Variants in SUGCT observed in about 807,000 individuals in gnomAD.
SUGCT encodes succinyl-CoA:glutarate-CoA transferase.
A neutral mutation model predicts 55.0 loss-of-function variants in SUGCT; 41 were observed. The ratio of observed to expected loss-of-function variants is 0.74; its 90% CI spans 0.58 to 0.97. The LOEUF (loss-of-function observed/expected upper bound fraction) is 0.97. Among genes scored for constraint, SUGCT ranks in the 50% least tolerant of loss-of-function variants. SUGCT has a pLI of 0.00. For missense variants in SUGCT, 568 were observed against 547.8 expected (o/e 1.04, Z -0.37); for synonymous variants, 187 against 200.4 (o/e 0.93, Z 0.56).
intron 7 of SUGCT, among the ~76,000 whole-genome samples, chr7:40,245,895 G>A (rs960591386): frequency 2.6e-5 from 4 of 151,940 alleles, no homozygotes; most frequent in African/African-American, 9.7e-5. Flanking sequence ...CCAGGCTGGA[G>A]TGCAGTGGTG....
At chr7:41,000,170 G>A in the SUGCT span, among the ~76,000 whole-genome samples, 1 of 152,096 alleles carries the variant, frequency 6.6e-6, no homozygotes, top group African/African-American at 2.4e-5. Flanking sequence ...CATTATGTTT[G>A]TGTGTGTGCA....
At chr7:40,814,395 A>T (rs1584479052) in intron 13 of SUGCT, among the ~76,000 whole-genome samples, 2 of 152,032 alleles carry the variant, frequency 1.3e-5, no homozygotes, top group East Asian at 1.9e-4. Flanking sequence ...TTCATTTTTT[A>T]AAATTATTTT....
the SUGCT span, among the ~76,000 whole-genome samples, chr7:40,989,893 A>G: frequency 6.6e-6 from 1 of 152,168 alleles, no homozygotes; most frequent in African/African-American, 2.4e-5. Flanking sequence ...TGCTATTTCT[A>G]CCACATCCGT....
the SUGCT span, among the ~76,000 whole-genome samples, chr7:40,876,934 G>A: frequency 8.5e-5 from 13 of 152,084 alleles, no homozygotes; most frequent in African/African-American, 2.7e-4. Context: ...TAATTTCCCC[G>A]AGATCTTTTT....
intron 13 of SUGCT, among the ~76,000 whole-genome samples, chr7:40,764,843 C>G (rs1379741861): frequency 6.6e-6 from 1 of 152,150 alleles, no homozygotes; most frequent in Non-Finnish European, 1.5e-5. Context: ...AAGATCACAG[C>G]TGGGACTCAC....
At chr7:40,300,883 A>C (rs1239481975) in intron 8 of SUGCT, among the ~76,000 whole-genome samples, 1 of 152,220 alleles carries the variant, frequency 6.6e-6, no homozygotes, top group East Asian at 1.9e-4. Context: ...TTGTGTGTGC[A>C]GTGGGATATT....
chr7:40,812,217 T>C (rs1271964185), intron 13 of SUGCT, among the ~76,000 whole-genome samples: 2 of 152,050 alleles, frequency 1.3e-5, no homozygotes, highest in African/African-American at 4.8e-5. Flanking sequence ...CTTTGCCAGG[T>C]TTTGGTATCA....
intron 12 of SUGCT, among the ~76,000 whole-genome samples, chr7:40,729,840 T>C (rs2128694201): frequency 6.6e-6 from 1 of 152,294 alleles, no homozygotes; most frequent in Admixed American, 6.5e-5. Context: ...TCAGCTCATG[T>C]AGGTTGTATC....
intron 11 of SUGCT, among the ~76,000 whole-genome samples, chr7:40,481,188 A>G (rs1200239362): frequency 6.6e-6 from 1 of 152,020 alleles, no homozygotes; most frequent in Non-Finnish European, 1.5e-5. Context: ...AAATATAAAA[A>G]TTAACTAGGC....
chr7:40,299,145 AT>A (rs1399055505), intron 8 of SUGCT, among the ~76,000 whole-genome samples: 1 of 152,124 alleles, frequency 6.6e-6, no homozygotes, highest in African/African-American at 2.4e-5. Flanking sequence ...TGTGTTTTGA[AT>A]GTGTGTTTTG....
intron 11 of SUGCT, among the ~76,000 whole-genome samples, chr7:40,476,965 C>T (rs564726796): frequency 6.6e-6 from 1 of 152,228 alleles, no homozygotes; most frequent in Admixed American, 6.5e-5. Context: ...AGGTGTGAGC[C>T]ACTGCGCCCA....
At chr7:40,897,604 G>C in the SUGCT span, among the ~76,000 whole-genome samples, 1 of 152,126 alleles carries the variant, frequency 6.6e-6, no homozygotes, top group Non-Finnish European at 1.5e-5. Flanking sequence ...CTCAGAAGCA[G>C]AGAGATCCCA....
chr7:40,497,960 C>T (rs1402457573), intron 12 of SUGCT, among the ~76,000 whole-genome samples: 2 of 151,990 alleles, frequency 1.3e-5, no homozygotes, highest in African/African-American at 4.8e-5. Context: ...AAATAATTCA[C>T]TTTATTGGCT....
At chr7:40,375,052 C>T (rs1335858284) in intron 9 of SUGCT, among the ~76,000 whole-genome samples, 2 of 152,156 alleles carry the variant, frequency 1.3e-5, no homozygotes, top group Non-Finnish European at 2.9e-5. Context: ...GGTCCTGAAA[C>T]TTTGACCATA....
the SUGCT span, among the ~76,000 whole-genome samples, chr7:40,878,557 C>T: frequency 1.3e-5 from 2 of 152,296 alleles, no homozygotes; most frequent in South Asian, 4.1e-4. Flanking sequence ...ATTAGCTGCT[C>T]TAGTTTTCCT....
At chr7:40,912,712 C>T in the SUGCT span, among the ~76,000 whole-genome samples, 2 of 146,144 alleles carry the variant, frequency 1.4e-5, no homozygotes, top group Admixed American at 7.0e-5. Context: ...TGCTTCATTA[C>T]TACATGACAC....
At chr7:40,914,267 TTTTTC>T in the SUGCT span, among the ~76,000 whole-genome samples, 6 of 137,518 alleles carry the variant, frequency 4.4e-5, no homozygotes, top group African/African-American at 1.6e-4. Flanking sequence ...TTTATTTATT[TTTTTC>T]TTTTTCTTTT....
At chr7:41,036,027 T>C in the SUGCT span, among the ~76,000 whole-genome samples, 2 of 152,232 alleles carry the variant, frequency 1.3e-5, no homozygotes, top group African/African-American at 2.4e-5. Context: ...GCGTCTTTGT[T>C]CAAGTGACAG....
At chr7:40,173,351 C>T (rs1056985300) in intron 1 of SUGCT, among the ~76,000 whole-genome samples, 8 of 152,158 alleles carry the variant, frequency 5.3e-5, no homozygotes, top group Non-Finnish European at 8.8e-5. Context: ...TGGAAGTCAG[C>T]GGCGGGTCTG....
Sources: gnomAD v4.1 joint callset for allele counts (sites outside exome capture counted in the v4.1 genomes callset) on GRCh38, gnomAD v4.1.1 for gene constraint, MANE v1.5 for transcripts, NCBI Gene and HGNC (gene_info 2026-07-23, HGNC 2026-07-21) for gene names.